Variants in FARP1 observed in about 807,000 individuals in gnomAD.
The protein encoded by FARP1 is FERM, ARH/RhoGEF and pleckstrin domain protein 1, also known as FERM, ARHGEF and pleckstrin domain-containing protein 1.
A neutral mutation model predicts 128.8 loss-of-function variants in FARP1; 52 were observed. The observed-to-expected ratio is 0.40, with a 90% CI of 0.32 to 0.51. FARP1 has a LOEUF of 0.51. Among genes scored for constraint, FARP1 ranks in the 20% least tolerant of loss-of-function variants. The probability of loss-of-function intolerance (pLI) is 0.45; values close to 1 mark genes in which losing one functional copy is unlikely to be tolerated. For missense variants in FARP1, 1,333 were observed against 1,367.9 expected, an observed-to-expected ratio of 0.97 and a Z score of 0.40; for synonymous variants, 580 against 551.8, an observed-to-expected ratio of 1.05 and a Z score of -0.72.
chr13:98,262,394 C>T (rs1883927460), intron 2 of FARP1, among the ~76,000 whole-genome samples: 1 of 152,086 alleles, frequency 6.6e-6, no homozygotes, highest in Non-Finnish European at 1.5e-5. Context: ...ACACCCTCAG[C>T]TGGTTTTTGG....
At chr13:98,317,421 A>G (rs929538722) in intron 2 of FARP1, among the ~76,000 whole-genome samples, 6 of 152,138 alleles carry the variant, frequency 3.9e-5, no homozygotes, top group Admixed American at 3.3e-4. Flanking sequence ...CACAACTAGC[A>G]AATGAAACCC....
At chr13:98,425,080 A>G (rs1175932747) in intron 17 of FARP1, among the ~76,000 whole-genome samples, 2 of 152,080 alleles carry the variant, frequency 1.3e-5, no homozygotes, top group Admixed American at 6.6e-5. Context: ...AGATAATTTT[A>G]TTTCAAAGCA....
chr13:98,162,022 C>T (rs1876923102), intron 1 of FARP1, among the ~76,000 whole-genome samples: 1 of 152,142 alleles, frequency 6.6e-6, no homozygotes, highest in Admixed American at 6.5e-5. Flanking sequence ...TCAAGCAGTC[C>T]TCTCCTCTTA....
chr13:98,379,045 T>G (rs1889744994), intron 6 of FARP1, among the ~76,000 whole-genome samples: 1 of 83,708 alleles, frequency 1.2e-5, no homozygotes, highest in Non-Finnish European at 2.0e-5. Context: ...ATATACAATA[T>G]GTAATCTATA....
At chr13:98,314,682 A>G (rs1886646320) in intron 2 of FARP1, among the ~76,000 whole-genome samples, 1 of 152,184 alleles carries the variant, frequency 6.6e-6, no homozygotes, top group African/African-American at 2.4e-5. Flanking sequence ...TGACAGCAGA[A>G]TTTGCTTAAA....
chr13:98,431,652 G>C, intron 18 of FARP1: 1 of 166,214 alleles, frequency 6.0e-6, no homozygotes, highest in Non-Finnish European at 1.3e-5. Context: ...AGTAGAGACG[G>C]GGTTTCACCG....
intron 3 of FARP1, among the ~76,000 whole-genome samples, chr13:98,356,854 C>T (rs1271488586): frequency 1.3e-5 from 2 of 151,886 alleles, no homozygotes; most frequent in African/African-American, 2.4e-5. Flanking sequence ...AGGCTGGTCG[C>T]GAACTCCTGA....
At chr13:98,276,499 A>G (rs1390866380) in intron 2 of FARP1, among the ~76,000 whole-genome samples, 2 of 152,242 alleles carry the variant, frequency 1.3e-5, no homozygotes, top group Admixed American at 6.5e-5. Flanking sequence ...GTACTGGTAC[A>G]GACAAAAGAG....
chr13:98,194,270 C>T (rs1879429553), intron 1 of FARP1, among the ~76,000 whole-genome samples: 2 of 152,116 alleles, frequency 1.3e-5, no homozygotes, highest in Admixed American at 1.3e-4. Flanking sequence ...GCGCCTGCTA[C>T]CATGCCTGGC....
Position 98,385,756 on chromosome 13 carries a change from A to G in FARP1, c.701A>G (p.Asp234Gly), listed in dbSNP as rs1418881662. ...GGAATCCGGTTGCACCCGGCCAAGG[A>G]CAGGGAAGGCACGAAGATCAATCTG... is the stretch of plus-strand genomic sequence containing the variant. The part of the protein sequence containing the change: ...MYGIRLHPAK[D>G]REGTKINLAV... Residue 234 changes from aspartate (D) to glycine (G), a missense_variant, in exon 8 of 27, where the codon GAC (aspartate) becomes GGC (glycine). Physicochemically the swap from Asp to Gly is moderately conservative, Grantham distance 94. Around this residue, in one of 2 missense-constraint regions of FARP1, gnomAD observed 324 missense variants for 398.1 expected, o/e 0.81. Coordinates refer to ENST00000319562, the MANE Select transcript of FARP1 (RefSeq NM_005766.4). The G allele has an allele frequency of 1.2e-6, 2 of 1,614,156 alleles. No homozygotes were observed. Among genetic ancestry groups the G allele is most frequent in the South Asian group, 2.2e-5 (2 of 91,082 alleles).
Position 98,438,859 on chromosome 13 carries a change from G to C in FARP1, c.2330G>C (p.Arg777Pro). ...CTCTCGGGGAAGGGGCTCCAGCAGC[G>C]CATGTTCTTCCTGGTGAGTGGAGAG... ...SKLSGKGLQQRMFFLFNDVLL... is the reference protein window; with the variant it reads ...SKLSGKGLQQPMFFLFNDVLL... The change falls in exon 20 of 27, where the codon CGC (arginine) becomes CCC (proline). Residue 777 changes from arginine (R) to proline (P), a missense_variant. Around this residue, in one of 2 missense-constraint regions of FARP1, gnomAD observed 1,009 missense variants for 969.8 expected, o/e 1.04. Coordinates refer to ENST00000319562, the MANE Select transcript of FARP1 (RefSeq NM_005766.4). The C allele has an allele frequency of 6.2e-7, 1 of 1,613,600 alleles. No individual in the cohort carries two copies. The highest frequency in any genetic ancestry group is 2.2e-5 in the East Asian group (1 of 44,880).
At chr13:98,269,830 C>A (rs1245283548) in intron 2 of FARP1, among the ~76,000 whole-genome samples, 1 of 152,148 alleles carries the variant, frequency 6.6e-6, no homozygotes, top group Non-Finnish European at 1.5e-5. Context: ...TAAGACTTAC[C>A]ATGGGCTGGG....
intron 1 of FARP1, among the ~76,000 whole-genome samples, chr13:98,145,589 G>A (rs1181734701): frequency 1.3e-5 from 2 of 152,092 alleles, no homozygotes; most frequent in African/African-American, 4.8e-5. Context: ...TGTCCAAGGG[G>A]GCTGGGCATG....
intron 2 of FARP1, among the ~76,000 whole-genome samples, chr13:98,249,139 A>T (rs1399653306): frequency 6.6e-6 from 1 of 152,162 alleles, no homozygotes; most frequent in Non-Finnish European, 1.5e-5. Flanking sequence ...AGTGTTCCCT[A>T]GTTCAGTGGT....
intron 2 of FARP1, among the ~76,000 whole-genome samples, chr13:98,309,523 T>C (rs552412557): frequency 3.9e-5 from 6 of 152,224 alleles, no homozygotes; most frequent in Non-Finnish European, 5.9e-5. Context: ...TTTTAACTTA[T>C]ATTTGTAGCT....
At chr13:98,336,561 T>G (rs1356826082) in intron 2 of FARP1, among the ~76,000 whole-genome samples, 1 of 152,200 alleles carries the variant, frequency 6.6e-6, no homozygotes, top group Non-Finnish European at 1.5e-5. Context: ...TGTGAGCCAC[T>G]GTGCCCGGCC....
chr13:98,376,002 A>G (rs1389586987), intron 5 of FARP1, among the ~76,000 whole-genome samples: 1 of 152,102 alleles, frequency 6.6e-6, no homozygotes, highest in East Asian at 1.9e-4. Flanking sequence ...GGTAAACTAG[A>G]TATCTAAAAA....
At chr13:98,238,415 AAATTATGTGTT>A (rs1365015212) in intron 2 of FARP1, among the ~76,000 whole-genome samples, 7 of 152,192 alleles carry the variant, frequency 4.6e-5, no homozygotes, top group Non-Finnish European at 1.0e-4. Context: ...ATACACATAC[AAATTATGTGTT>A]AATCGACTGT....
intron 2 of FARP1, among the ~76,000 whole-genome samples, chr13:98,335,441 G>A (rs543172426): frequency 5.3e-5 from 8 of 152,240 alleles, no homozygotes; most frequent in Middle Eastern, 3.4e-3. Context: ...TTACTATCAC[G>A]AGAACAGCAT....
Sources: allele counts gnomAD v4.1 joint callset (sites outside exome capture counted in the v4.1 genomes callset), GRCh38; gene constraint gnomAD v4.1.1; regional missense constraint gnomAD v4.1.1; transcripts MANE v1.5; gene names NCBI Gene and HGNC (gene_info 2026-07-23, HGNC 2026-07-21).